SPTBN1: variants seen among roughly 807,000 people sequenced by gnomAD.
SPTBN1 encodes spectrin beta chain, non-erythrocytic 1.
Under a neutral mutation model 266.4 loss-of-function variants are expected in SPTBN1, and 32 were observed. That is an observed-to-expected ratio of 0.12 (90% CI 0.09 to 0.16). SPTBN1 has a LOEUF of 0.16. Ranked by LOEUF, SPTBN1 falls within the 10% of genes least tolerant of loss-of-function variation. SPTBN1 has a pLI of 1.00. For synonymous variants in SPTBN1, 1,336 were observed against 1,162.2 expected, an observed-to-expected ratio of 1.15 and a Z score of -3.04; for missense variants, 2,296 against 3,067.1, an observed-to-expected ratio of 0.75 and a Z score of 5.94.
chr2:54,500,129 C>A (rs1669173432), intron 1 of SPTBN1, among the ~76,000 whole-genome samples: 1 of 152,096 alleles, frequency 6.6e-6, no homozygotes, highest in Admixed American at 6.5e-5. Flanking sequence ...GTTTTTCATT[C>A]TTTGAAAGAA....
chr2:54,459,837 T>C (rs1357970220), intron 1 of SPTBN1, among the ~76,000 whole-genome samples: 1 of 152,150 alleles, frequency 6.6e-6, no homozygotes, highest in Non-Finnish European at 1.5e-5. Context: ...AAATTTTCAG[T>C]CTTTGCTTTT....
Position 54,669,042 on chromosome 2 carries a change from A to G in SPTBN1, c.*473A>G, listed in dbSNP as rs1681570231. 1 of 176,228 alleles carries G rather than the reference A, an allele frequency of 5.7e-6. No homozygotes were observed. Among genetic ancestry groups the G allele is most frequent in the African/African-American group, 2.4e-5 (1 of 41,614 alleles). 10.9% of individuals were successfully genotyped at this position (176,228 alleles called of 1,614,324 possible). A position where few individuals can be genotyped will look rare whatever the true frequency, so the allele number is the denominator to read the frequency against. On this transcript the variant is annotated 3_prime_UTR_variant, in exon 36 of 36. Transcript: ENST00000356805. ...CCCGAGATGGGGCTAACCTTTATTA[A>G]ACAGATCGCATATTATGATCTTGCT...
At chr2:54,589,450 G>A (rs1050524465) in intron 2 of SPTBN1, among the ~76,000 whole-genome samples, 2 of 152,334 alleles carry the variant, frequency 1.3e-5, no homozygotes, top group African/African-American at 4.8e-5. Context: ...GGACTGCCCA[G>A]CAGATGCAAC....
intron 7 of SPTBN1, among the ~76,000 whole-genome samples, 160 bp downstream of exon 7, chr2:54,618,353 C>A (rs41281495): frequency 0.064 from 9,728 of 152,162 alleles, 378 homozygotes; most frequent in Admixed American, 0.099. Context: ...GAAAGGATGA[C>A]ACTCAAAAAG....
intron 1 of SPTBN1, among the ~76,000 whole-genome samples, chr2:54,489,165 A>ACC (rs1668561770): frequency 6.7e-6 from 1 of 149,862 alleles, no homozygotes; most frequent in Admixed American, 6.7e-5. Context: ...AAAAAAAAAA[A>ACC]AAAAAAAAAA....
chr2:54,514,940 G>A (rs185264643), intron 1 of SPTBN1, among the ~76,000 whole-genome samples: 1 of 152,290 alleles, frequency 6.6e-6, no homozygotes. Flanking sequence ...TGCTTTTGTA[G>A]GACTAGCAAA....
Position 54,626,556 on chromosome 2 carries a change from A to T in SPTBN1, c.1644+322A>T, listed in dbSNP as rs1407677990. On this transcript the variant is annotated intron_variant, in intron 12 of 35. Coordinates refer to ENST00000356805, the MANE Select transcript of SPTBN1 (RefSeq NM_003128.3). This position sits in a 1 kb window ranked among gnomAD's most constrained non-coding sequence, Gnocchi z 4.7. Reference sequence around the variant, plus strand: ...CAGGGTTAAACTAACTTACCGTTTCATTGATCTGTGAGTGAGTGGTACTAC... The same window carrying T: ...CAGGGTTAAACTAACTTACCGTTTCTTTGATCTGTGAGTGAGTGGTACTAC... 6.6e-6 allele frequency among the ~76,000 whole-genome samples: 1 copy of T among 152,136 alleles called. No homozygotes were observed. Among genetic ancestry groups the T allele is most frequent in the Non-Finnish European group, 1.5e-5 (1 of 68,018 alleles).
intron 2 of SPTBN1, among the ~76,000 whole-genome samples, chr2:54,544,625 A>G (rs1033504536): frequency 6.6e-6 from 1 of 152,254 alleles, no homozygotes. Flanking sequence ...CTATTAAAAA[A>G]TGTCAAACAT....
intron 2 of SPTBN1, among the ~76,000 whole-genome samples, chr2:54,562,533 CTT>C (rs1553447705): frequency 1.6e-5 from 2 of 126,818 alleles, no homozygotes; most frequent in Non-Finnish European, 1.6e-5. Context: ...TTTTCTTTTT[CTT>C]TTTTTTTTTT....
chr2:54,624,740 C>T (rs567445838), intron 10 of SPTBN1, 64 bp from the exon 11 acceptor site: 29 of 1,599,896 alleles, frequency 1.8e-5, no homozygotes, highest in South Asian at 6.7e-5. Context: ...ACTGTAACCA[C>T]GGAAGTTTCC....
chr2:54,605,212 A>T (rs1485806257), intron 3 of SPTBN1, among the ~76,000 whole-genome samples: 1 of 152,222 alleles, frequency 6.6e-6, no homozygotes, highest in Non-Finnish European at 1.5e-5. Context: ...GTTTGGCAAT[A>T]TAAAAATAGC....
At chr2:54,465,639 CATATATATATATAT>C (rs70944167) in intron 1 of SPTBN1, among the ~76,000 whole-genome samples, 24,638 of 116,336 alleles carry the variant, frequency 0.21, 2,596 homozygotes, top group African/African-American at 0.26. Flanking sequence ...ATGTTTATCT[CATATATATATATAT>C]ATATATATAT....
At chr2:54,583,861 A>G (rs747010258) in intron 2 of SPTBN1, among the ~76,000 whole-genome samples, 3 of 152,178 alleles carry the variant, frequency 2.0e-5, no homozygotes, top group Non-Finnish European at 4.4e-5. Context: ...CATCGGGTGA[A>G]CCTCAATTCT....
At chr2:54,486,982 G>A (rs17343815) in intron 1 of SPTBN1, among the ~76,000 whole-genome samples, 18,869 of 151,986 alleles carry the variant, frequency 0.12, 1,383 homozygotes, top group Non-Finnish European at 0.17. Flanking sequence ...TTTATCAAAC[G>A]GCGCTGAGGA....
intron 24 of SPTBN1, among the ~76,000 whole-genome samples, chr2:54,647,708 G>A (rs780891031): frequency 6.6e-6 from 1 of 152,152 alleles, no homozygotes. Context: ...GGGTGTGGTG[G>A]CACACGTCTG....
In SPTBN1 at chr2:54,622,406, G is replaced by A. The variant is rs187892511; in HGVS notation, c.983G>A (p.Arg328His). The A allele has an allele frequency of 6.8e-6, 11 of 1,614,058 alleles. No individual in the cohort carries two copies. The highest frequency in any genetic ancestry group is 8.5e-6 in the Non-Finnish European group (10 of 1,180,012). Residue 328 changes from arginine (R) to histidine (H), a missense_variant, in exon 9 of 36, where the codon CGC becomes CAC. By Grantham distance (29) the Arg-to-His change is conservative. Around this residue, in one of 12 missense-constraint regions of SPTBN1, gnomAD observed 148 missense variants for 203.8 expected, o/e 0.73. Transcript: ENST00000356805. ...CAAACCATCATCATTCTGAACAATC[G>A]CAAATTTGCCAATTCACTGGTCGGG... Reference protein sequence around the residue: ...IEQTIIILNNRKFANSLVGVQ... With the variant: ...IEQTIIILNNHKFANSLVGVQ...
intron 2 of SPTBN1, among the ~76,000 whole-genome samples, chr2:54,530,024 C>T (rs1671118110): frequency 6.6e-6 from 1 of 152,038 alleles, no homozygotes; most frequent in South Asian, 2.1e-4. Context: ...TTCTGCTGAA[C>T]ATGCATGTTC....
chr2:54,638,472 C>T (rs1679303006), intron 18 of SPTBN1, among the ~76,000 whole-genome samples: 1 of 152,238 alleles, frequency 6.6e-6, no homozygotes, highest in Admixed American at 6.5e-5. Flanking sequence ...ATGCAAAGAG[C>T]AGTAATGCTG....
At position 54,631,154 on chromosome 2, in the gene SPTBN1, G is replaced by A. The variant is rs139622861; in HGVS notation, c.3107G>A (p.Arg1036Gln). ...GACCAGGCCCAGGCCATCCTGTCTC[G>A]GCTGGCCGAGATCAGCGACGTGTGG... Reference protein sequence around the residue: ...HPDQAQAILSRLAEISDVWEE... With the variant: ...HPDQAQAILSQLAEISDVWEE... The change falls in exon 16 of 36, where the codon CGG (arginine) becomes CAG (glutamine). Residue 1036 changes from arginine (R) to glutamine (Q), a missense_variant. Transcript: ENST00000356805. The A allele has an allele frequency of 4.8e-5, 77 of 1,614,088 alleles. No individual in the cohort carries two copies. Among genetic ancestry groups the A allele is most frequent in the African/African-American group, 6.7e-5 (5 of 74,938 alleles).
Sources: gnomAD v4.1 joint callset for allele counts (sites outside exome capture counted in the v4.1 genomes callset) on GRCh38, gnomAD v4.1.1 for gene constraint, gnomAD v4.1.1 regional missense constraint, Gnocchi (gnomAD v3.1) non-coding constraint, MANE v1.5 for transcripts, NCBI Gene and HGNC (gene_info 2026-07-23, HGNC 2026-07-21) for gene names.